SV2C: variants seen among roughly 807,000 people sequenced by gnomAD.
The protein encoded by SV2C is solute carrier family 22 member B3.
In SV2C, 49 loss-of-function variants were observed where a neutral mutation model predicts 79.7. That is an observed-to-expected ratio of 0.61 (90% CI 0.49 to 0.78). The LOEUF (loss-of-function observed/expected upper bound fraction) is 0.78. Among genes scored for constraint, SV2C ranks in the 30% least tolerant of loss-of-function variants. The probability of loss-of-function intolerance (pLI) is 0.00; values close to 1 mark genes in which losing one functional copy is unlikely to be tolerated. For missense variants in SV2C, 833 were observed against 912.9 expected (o/e 0.91, Z 1.13); for synonymous variants, 334 against 333.2 (o/e 1.00, Z -0.03).
At chr5:75,869,698 G>A in the SV2C span, among the ~76,000 whole-genome samples, 1 of 152,114 alleles carries the variant, frequency 6.6e-6, no homozygotes, top group Admixed American at 6.5e-5. Context: ...GTAGGCCTTG[G>A]GTGAGACCCA....
At chr5:76,336,203 C>G (rs1262857907), downstream of SV2C, among the ~76,000 whole-genome samples, 1 of 152,066 alleles carries the variant, frequency 6.6e-6, no homozygotes, top group Non-Finnish European at 1.5e-5. Flanking sequence ...ACGCTCCTCA[C>G]TTCCCAGACG....
intron 1 of SV2C, among the ~76,000 whole-genome samples, chr5:76,117,571 CAA>C (rs1748313995): frequency 6.6e-6 from 1 of 151,876 alleles, no homozygotes; most frequent in South Asian, 2.1e-4. Flanking sequence ...AAACATGTAA[CAA>C]AGTGACAAAA....
intron 4 of SV2C, among the ~76,000 whole-genome samples, chr5:76,219,867 C>T (rs1200701866): frequency 6.6e-6 from 1 of 152,224 alleles, no homozygotes; most frequent in East Asian, 1.9e-4. Flanking sequence ...CTCTTCCATT[C>T]AAGCTCACCA....
chr5:75,951,496 C>G, the SV2C span, among the ~76,000 whole-genome samples: 18 of 152,002 alleles, frequency 1.2e-4, no homozygotes, highest in African/African-American at 4.1e-4. Context: ...CAAACTTTCT[C>G]AAGGTTGGAG....
chr5:75,868,084 G>T, the SV2C span, among the ~76,000 whole-genome samples: 1 of 152,216 alleles, frequency 6.6e-6, no homozygotes, highest in Non-Finnish European at 1.5e-5. Flanking sequence ...ATCAAGGAAA[G>T]CTCAGAAGTG....
At chr5:76,336,164 C>A (rs538642724), downstream of SV2C, among the ~76,000 whole-genome samples, 2 of 151,258 alleles carry the variant, frequency 1.3e-5, no homozygotes, top group East Asian at 3.9e-4. Flanking sequence ...CCCCACCTCC[C>A]TCCCGGATGG....
intron 4 of SV2C, among the ~76,000 whole-genome samples, chr5:76,263,060 G>C (rs1323382258): frequency 6.6e-6 from 1 of 152,260 alleles, no homozygotes; most frequent in Non-Finnish European, 1.5e-5. Flanking sequence ...TATTGTGTGG[G>C]AGTCTAAGTC....
chr5:76,231,136 C>T (rs1337206746), intron 4 of SV2C, among the ~76,000 whole-genome samples: 2 of 152,140 alleles, frequency 1.3e-5, no homozygotes, highest in African/African-American at 4.8e-5. Context: ...ACCCCCTCGT[C>T]AGTTCAGTTG....
the SV2C span, chr5:76,075,703 G>C: frequency 8.3e-6 from 3 of 360,386 alleles, no homozygotes; most frequent in South Asian, 7.1e-5. Flanking sequence ...AGTCTACCCA[G>C]AAGCTAGAAA....
intron 2 of SV2C, among the ~76,000 whole-genome samples, chr5:76,171,694 C>T (rs1204652501): frequency 3.6e-5 from 5 of 140,064 alleles, no homozygotes; most frequent in African/African-American, 5.1e-5. Flanking sequence ...CCAGCCGTGC[C>T]GTCCGGGAGG....
the SV2C span, among the ~76,000 whole-genome samples, chr5:76,036,415 C>A: frequency 6.6e-6 from 1 of 152,130 alleles, no homozygotes; most frequent in Non-Finnish European, 1.5e-5. Context: ...GTGCTTCCTT[C>A]AGGAGCTCCT....
At position 76,209,754 on chromosome 5, in the gene SV2C, C is replaced by T. The variant is rs1470393149; in HGVS notation, c.780C>T (p.Pro260=). The change falls in exon 4 of 13, where the codon CCC becomes CCT. Residue 260 remains proline, a synonymous_variant. Transcript: ENST00000502798. ...TTGGCAGGATTGGAGGAGCCATACCCACTGTGTTCTCGTACTTTGCTGAAG... is the reference window on the plus strand; with the variant it reads ...TTGGCAGGATTGGAGGAGCCATACCTACTGTGTTCTCGTACTTTGCTGAAG... The part of the protein sequence containing the change: ...LSGFGIGGAI[P]TVFSYFAEVL... 3 of 1,614,006 alleles carry T rather than the reference C, an allele frequency of 1.9e-6. No homozygotes were observed. The highest frequency in any genetic ancestry group is 1.7e-5 in the Admixed American group (1 of 60,008).
the SV2C span, among the ~76,000 whole-genome samples, chr5:76,004,933 G>A: frequency 6.6e-6 from 1 of 152,150 alleles, no homozygotes; most frequent in Admixed American, 6.6e-5. Context: ...CTTTCACAGT[G>A]ACTTGGGGCA....
intron 1 of SV2C, among the ~76,000 whole-genome samples, chr5:76,084,928 C>A (rs1452346990): frequency 6.6e-6 from 1 of 152,116 alleles, no homozygotes; most frequent in Non-Finnish European, 1.5e-5. Context: ...CGGGAAGGAG[C>A]CGCAGCTACC....
At chr5:76,209,672 C>A in intron 3 of SV2C, 64 bp from the exon 4 acceptor site, 1 of 1,526,426 alleles carries the variant, frequency 6.6e-7, no homozygotes. Flanking sequence ...TTTGGCTCTG[C>A]CCTTTGCGTC....
chr5:76,143,880 G>A (rs1749339039), intron 2 of SV2C, among the ~76,000 whole-genome samples: 1 of 152,194 alleles, frequency 6.6e-6, no homozygotes, highest in East Asian at 1.9e-4. Context: ...AGCTTAGAGA[G>A]GAAAGGTGAT....
chr5:76,215,895 G>A (rs1179533693), intron 4 of SV2C, among the ~76,000 whole-genome samples: 3 of 151,428 alleles, frequency 2.0e-5, no homozygotes, highest in South Asian at 2.1e-4. Context: ...TCTGGGTGTC[G>A]CCGTTTAGTA....
intron 4 of SV2C, among the ~76,000 whole-genome samples, chr5:76,248,998 TAGG>T (rs1746032000): frequency 6.6e-6 from 1 of 152,142 alleles, no homozygotes; most frequent in African/African-American, 2.4e-5. Flanking sequence ...TGGGTATTAT[TAGG>T]AGGAGTGTGG....
intron 4 of SV2C, among the ~76,000 whole-genome samples, chr5:76,219,263 G>T (rs554008899): frequency 2.0e-5 from 3 of 152,300 alleles, no homozygotes; most frequent in Non-Finnish European, 4.4e-5. Context: ...ACTTATACCA[G>T]TATTATTTCT....
Sources: gnomAD v4.1 joint callset for allele counts (sites outside exome capture counted in the v4.1 genomes callset) on GRCh38, gnomAD v4.1.1 for gene constraint, MANE v1.5 for transcripts, NCBI Gene and HGNC (gene_info 2026-07-23, HGNC 2026-07-21) for gene names.